MMP20: variants seen among roughly 807,000 people sequenced by gnomAD.
MMP20 encodes matrix metalloproteinase-20.
A neutral mutation model predicts 51.8 loss-of-function variants in MMP20; 50 were observed. The ratio of observed to expected loss-of-function variants is 0.97; its 90% confidence interval spans 0.77 to 1.22. The LOEUF (loss-of-function observed/expected upper bound fraction) is 1.22. Among genes scored for constraint, MMP20 ranks in the 50% most tolerant of loss-of-function variants. The pLI is 0.00. For missense variants in MMP20, 663 were observed against 601.4 expected, an observed-to-expected ratio of 1.10 and a Z score of -1.07; for synonymous variants, 244 against 216.2, an observed-to-expected ratio of 1.13 and a Z score of -1.13.
At chr11:102,600,729 C>T (rs2135937140) in intron 6 of MMP20, among the ~76,000 whole-genome samples, 1 of 152,200 alleles carries the variant, frequency 6.6e-6, no homozygotes, top group South Asian at 2.1e-4. Flanking sequence ...TCCAGTGATC[C>T]ACTCGCCGCC....
intron 9 of MMP20, among the ~76,000 whole-genome samples, chr11:102,578,436 C>G (rs922468621): frequency 1.3e-5 from 2 of 152,164 alleles, no homozygotes; most frequent in African/African-American, 4.8e-5. Flanking sequence ...TGTGCCCAAC[C>G]AAGACTATGT....
At chr11:102,608,826 A>G in intron 5 of MMP20, 111 bp downstream of exon 5, 2 of 1,158,204 alleles carry the variant, frequency 1.7e-6, no homozygotes, top group South Asian at 1.2e-5. Flanking sequence ...AGTTGGGGTT[A>G]TGGTTTCTAG....
At chr11:102,585,781 C>A (rs1213591774) in intron 8 of MMP20, among the ~76,000 whole-genome samples, 1 of 152,056 alleles carries the variant, frequency 6.6e-6, no homozygotes, top group Non-Finnish European at 1.5e-5. Context: ...TATTTTTATT[C>A]CTAGGTTTTA....
intron 8 of MMP20, among the ~76,000 whole-genome samples, chr11:102,585,452 A>T (rs1385447624): frequency 1.3e-5 from 2 of 152,200 alleles, no homozygotes; most frequent in African/African-American, 4.8e-5. Flanking sequence ...CATTGAATTC[A>T]TTCCTTGCAA....
intron 2 of MMP20, among the ~76,000 whole-genome samples, chr11:102,614,318 T>C (rs1479776056): frequency 6.6e-6 from 1 of 152,228 alleles, no homozygotes; most frequent in African/African-American, 2.4e-5. Flanking sequence ...AGTACTGTGA[T>C]AGCCTCTAGT....
intron 2 of MMP20, 116 bp downstream of exon 2, chr11:102,616,696 T>C (rs972347305): frequency 2.8e-5 from 38 of 1,336,016 alleles, no homozygotes; most frequent in Non-Finnish European, 3.6e-5. Context: ...CTTATTCTTA[T>C]GGTTGTGAGG....
intron 4 of MMP20, among the ~76,000 whole-genome samples, chr11:102,609,512 G>A (rs1283195535): frequency 6.6e-6 from 1 of 152,188 alleles, no homozygotes; most frequent in Non-Finnish European, 1.5e-5. Context: ...CAGATGACCT[G>A]TATGATATTC....
intron 6 of MMP20, among the ~76,000 whole-genome samples, chr11:102,601,671 G>T (rs958834031): frequency 6.6e-6 from 1 of 152,106 alleles, no homozygotes; most frequent in Non-Finnish European, 1.5e-5. Context: ...ATGAAACTCC[G>T]TGAAAATTGT....
intron 1 of MMP20, among the ~76,000 whole-genome samples, chr11:102,622,714 C>A (rs1348079050): frequency 6.6e-6 from 1 of 152,170 alleles, no homozygotes; most frequent in Non-Finnish European, 1.5e-5. Flanking sequence ...CCCACCAGCT[C>A]CCTCATCCTC....
intron 8 of MMP20, among the ~76,000 whole-genome samples, chr11:102,592,126 T>C (rs370555567): frequency 1.8e-4 from 28 of 152,376 alleles, no homozygotes; most frequent in African/African-American, 6.5e-4. Context: ...TCTCAATACC[T>C]ATCTTCCTGT....
chr11:102,598,967 T>C (rs1181229889), intron 6 of MMP20, among the ~76,000 whole-genome samples: 4 of 152,046 alleles, frequency 2.6e-5, no homozygotes, highest in African/African-American at 9.6e-5. Flanking sequence ...TTCTGATCTC[T>C]GTCATCTTCT....
chr11:102,584,840 G>GTGGC (rs1296685749), intron 8 of MMP20, among the ~76,000 whole-genome samples: 1 of 152,084 alleles, frequency 6.6e-6, no homozygotes, highest in African/African-American at 2.4e-5. Context: ...TCTTTTGCAT[G>GTGGC]TGGCTATCCA....
At chr11:102,595,668 A>C (rs1408976231) in intron 6 of MMP20, among the ~76,000 whole-genome samples, 1 of 152,234 alleles carries the variant, frequency 6.6e-6, no homozygotes, top group African/African-American at 2.4e-5. Context: ...TGGCTAGTTA[A>C]CAGAAAATCT....
chr11:102,608,434 C>T (rs573952132), intron 5 of MMP20, among the ~76,000 whole-genome samples: 1 of 152,198 alleles, frequency 6.6e-6, no homozygotes, highest in African/African-American at 2.4e-5. Flanking sequence ...GCTTTCTCAG[C>T]TATCAAATGA....
At chr11:102,624,982 C>T (rs1859801393) in intron 1 of MMP20, among the ~76,000 whole-genome samples, 3 of 152,144 alleles carry the variant, frequency 2.0e-5, no homozygotes, top group Admixed American at 2.0e-4. Context: ...TAGATATATC[C>T]TCATGTATTT....
chr11:102,619,070 C>T (rs1859712768), intron 1 of MMP20, among the ~76,000 whole-genome samples: 1 of 152,052 alleles, frequency 6.6e-6, no homozygotes. Flanking sequence ...TGAAACAAAG[C>T]TGCGACTATT....
At chr11:102,585,811 T>A (rs1859248539) in intron 8 of MMP20, among the ~76,000 whole-genome samples, 1 of 152,194 alleles carries the variant, frequency 6.6e-6, no homozygotes, top group Non-Finnish European at 1.5e-5. Flanking sequence ...TGCTGAATGT[T>A]TTTTTATCAT....
chr11:102,577,397 T>C lies in MMP20; in HGVS notation c.1381A>G (p.Thr461Ala). Residue 461 changes from threonine (T) to alanine (A), a missense_variant, in exon 10 of 10, where the codon ACA (threonine) becomes GCA (alanine). Physicochemically the swap from Thr to Ala is moderately conservative, Grantham distance 58 (BLOSUM62 0). Coordinates refer to ENST00000260228, the MANE Select transcript of MMP20 (RefSeq NM_004771.4). Reference sequence around the variant, plus strand: ...TCCTTCTCTGTGTCATACTTGTATGTTTTTGGTCCTGAAAAGAAGTAAATG... The same window carrying C: ...TCCTTCTCTGTGTCATACTTGTATGCTTTTGGTCCTGAAAAGAAGTAAATG... ...GYIYFFSGPK[T>A]YKYDTEKEDV... 6.2e-7 allele frequency: 1 copy of C among 1,613,366 alleles called. No individual in the cohort carries two copies. Among genetic ancestry groups the C allele is most frequent in the South Asian group, 1.1e-5 (1 of 91,052 alleles).
At position 102,605,331 on chromosome 11, in the gene MMP20, C is replaced by G. The variant is rs1157992935; in HGVS notation, c.953+1204G>C. The G allele has an allele frequency of 2.0e-5, 3 of 152,066 alleles. No homozygotes were observed. The East Asian group carries it at 5.8e-4, about 29-fold the overall frequency. 9.4% of individuals were successfully genotyped at this position (152,066 alleles called of 1,614,324 possible). Reference sequence around the variant, plus strand: ...TGTCTAAGCCACCTGGTCTATGGTACTTGGTTATAGCAGCTCCTGCAGACT... The same window carrying G: ...TGTCTAAGCCACCTGGTCTATGGTAGTTGGTTATAGCAGCTCCTGCAGACT... On this transcript the variant is annotated intron_variant, in intron 6 of 9. Transcript: ENST00000260228.
Sources: gnomAD v4.1 joint callset for allele counts (sites outside exome capture counted in the v4.1 genomes callset) on GRCh38, gnomAD v4.1.1 for gene constraint, MANE v1.5 for transcripts, NCBI Gene and HGNC (gene_info 2026-07-23, HGNC 2026-07-21) for gene names.